LCLAT1: variants seen among roughly 807,000 people sequenced by gnomAD.
LCLAT1 encodes the protein lysocardiolipin acyltransferase 1.
A neutral mutation model predicts 30.7 loss-of-function variants in LCLAT1; 11 were observed. The ratio of observed to expected loss-of-function variants is 0.36; its 90% CI spans 0.23 to 0.59. The LOEUF (loss-of-function observed/expected upper bound fraction) is 0.59, where lower values mean the gene tolerates loss of function less well. Ranked by LOEUF, LCLAT1 falls within the 20% of genes least tolerant of loss-of-function variation. The pLI, the probability that LCLAT1 is intolerant of heterozygous loss-of-function variation, is 0.77. For synonymous variants in LCLAT1, 155 were observed against 151.3 expected (o/e 1.02, Z -0.18); for missense variants, 402 against 458.6 (o/e 0.88, Z 1.13).
At chr2:30,537,619 C>T (rs1009113416) in intron 3 of LCLAT1, among the ~76,000 whole-genome samples, 2 of 151,904 alleles carry the variant, frequency 1.3e-5, no homozygotes, top group African/African-American at 4.8e-5. Flanking sequence ...GCGTTAGACC[C>T]CAATATAGTA....
intron 1 of LCLAT1, among the ~76,000 whole-genome samples, chr2:30,516,261 A>G (rs989260003): frequency 6.6e-6 from 1 of 151,768 alleles, no homozygotes; most frequent in Non-Finnish European, 1.5e-5. Context: ...ACTCTATTAA[A>G]TCTTGCAACT....
Position 30,522,409 on chromosome 2 carries a change from G to T in LCLAT1, c.-4-3178G>T, listed in dbSNP as rs560306414. Among the ~76,000 whole-genome samples the T allele has an allele frequency of 7.9e-5, 12 of 152,086 alleles. 1 individual carries two copies. The highest frequency in any genetic ancestry group is 5.9e-5 in the Non-Finnish European group (4 of 68,010). On this transcript the variant is annotated intron_variant, in intron 1 of 5. Transcript: ENST00000379509. ...TTTTTTTTAGCTATTCCAAATAAGT[G>T]TATAGCTAGCATAATTTGGAACCAA... is the stretch of plus-strand genomic sequence containing the variant.
chr2:30,546,967 C>T (rs941164526), intron 3 of LCLAT1, among the ~76,000 whole-genome samples: 6 of 151,954 alleles, frequency 3.9e-5, no homozygotes, highest in African/African-American at 1.2e-4. Context: ...ATCTTATTGG[C>T]GATTTTGTGC....
chr2:30,521,795 G>T (rs184746667), intron 1 of LCLAT1, among the ~76,000 whole-genome samples: 10 of 151,968 alleles, frequency 6.6e-5, no homozygotes, highest in Admixed American at 2.0e-4. Flanking sequence ...ATGAGCCACC[G>T]CTGGACCAAC....
At chr2:30,609,696 T>C (rs1215382398) in intron 5 of LCLAT1, among the ~76,000 whole-genome samples, 2 of 152,168 alleles carry the variant, frequency 1.3e-5, no homozygotes, top group African/African-American at 4.8e-5. Flanking sequence ...CCCACAGTGA[T>C]CCTGTCCTCC....
intron 5 of LCLAT1, among the ~76,000 whole-genome samples, chr2:30,617,230 G>T (rs990514599): frequency 6.6e-6 from 1 of 152,104 alleles, no homozygotes; most frequent in Non-Finnish European, 1.5e-5. Flanking sequence ...CCACTGATGT[G>T]CTTTCTGTCA....
chr2:30,616,679 T>A (rs1668006801), intron 5 of LCLAT1, among the ~76,000 whole-genome samples: 1 of 152,186 alleles, frequency 6.6e-6, no homozygotes, highest in Non-Finnish European at 1.5e-5. Context: ...TTTTTAAATG[T>A]CAGCTTGCAC....
At chr2:30,515,106 A>T (rs1685119626) in intron 1 of LCLAT1, among the ~76,000 whole-genome samples, 1 of 152,038 alleles carries the variant, frequency 6.6e-6, no homozygotes, top group South Asian at 2.1e-4. Context: ...TGATTAAGCC[A>T]TGCTGTTTCA....
intron 5 of LCLAT1, among the ~76,000 whole-genome samples, chr2:30,601,823 TATAG>T (rs775738008): frequency 5.9e-5 from 9 of 151,638 alleles, no homozygotes; most frequent in South Asian, 2.1e-4. Context: ...CATATATATC[TATAG>T]ATAGATATAT....
At chr2:30,533,937 C>G (rs1686102391) in intron 3 of LCLAT1, among the ~76,000 whole-genome samples, 1 of 152,078 alleles carries the variant, frequency 6.6e-6, no homozygotes, top group African/African-American at 2.4e-5. Context: ...TCTCAACTTG[C>G]TACTTAATGT....
intron 5 of LCLAT1, among the ~76,000 whole-genome samples, chr2:30,632,868 A>G (rs1439774481): frequency 1.3e-5 from 2 of 152,254 alleles, no homozygotes; most frequent in Admixed American, 1.3e-4. Flanking sequence ...CAACTTATGT[A>G]GAAGGGGAAA....
intron 1 of LCLAT1, among the ~76,000 whole-genome samples, chr2:30,474,502 CCTT>C (rs1337870661): frequency 6.6e-6 from 1 of 152,126 alleles, no homozygotes; most frequent in African/African-American, 2.4e-5. Context: ...CTTGCCTTAG[CCTT>C]CTGAGTAGCT....
rs543538019 is a variant in LCLAT1 at position 30,557,983 on chromosome 2, C to A, written c.365-4163C>A. ...AATTTTAACCTCTGCTTCACATAAT[C>A]CATAAAAATTCACTTGAAATGTATC... is the stretch of plus-strand genomic sequence containing the variant. On this transcript the variant is annotated intron_variant, in intron 3 of 5. Transcript: ENST00000379509. Among the ~76,000 whole-genome samples, 9 of 152,160 alleles carry A rather than the reference C, an allele frequency of 5.9e-5. No individual in the cohort carries two copies. In the South Asian group the frequency reaches 1.9e-3, roughly 32 times the overall value.
intron 5 of LCLAT1, among the ~76,000 whole-genome samples, chr2:30,605,652 T>A (rs1388060816): frequency 6.6e-6 from 1 of 152,160 alleles, no homozygotes; most frequent in African/African-American, 2.4e-5. Flanking sequence ...GAGTGAAATA[T>A]ACATTTCCTC....
intron 5 of LCLAT1, 31 bp from the exon 6 acceptor site, chr2:30,640,086 T>C: frequency 1.2e-5 from 18 of 1,564,550 alleles, no homozygotes; most frequent in Non-Finnish European, 1.6e-5. Context: ...GAGCACTGCT[T>C]AATCTATGTT....
rs370513750 is a variant in LCLAT1 at position 30,456,009 on chromosome 2, G to A, written c.-5+8626G>A. ...ATTGATCTTAATTCTTTAAACATTG[G>A]TAGAATTCTTTAATGAAATGTTCTG... On this transcript the variant is annotated intron_variant, in intron 1 of 5. Transcript: ENST00000379509. 5.3e-5 allele frequency among the ~76,000 whole-genome samples: 8 copies of A among 151,642 alleles called. 1 individual carries two copies. The highest frequency in any genetic ancestry group is 1.9e-4 in the East Asian group (1 of 5,162).
chr2:30,592,799 G>C (rs1347791914), intron 5 of LCLAT1, among the ~76,000 whole-genome samples: 2 of 152,082 alleles, frequency 1.3e-5, no homozygotes, highest in Non-Finnish European at 2.9e-5. Flanking sequence ...AATTGTTACT[G>C]ATATGTAACA....
chr2:30,491,683 C>G (rs1224585803), intron 1 of LCLAT1, among the ~76,000 whole-genome samples: 1 of 152,070 alleles, frequency 6.6e-6, no homozygotes, highest in Non-Finnish European at 1.5e-5. Flanking sequence ...TTTTTAATTT[C>G]CCAAGAGAGA....
chr2:30,479,082 T>A (rs984870009), intron 1 of LCLAT1, among the ~76,000 whole-genome samples: 1 of 152,170 alleles, frequency 6.6e-6, no homozygotes, highest in Admixed American at 6.5e-5. Context: ...GATGAATACA[T>A]TTTGGGATAT....
Sources: gnomAD v4.1 joint callset for allele counts (sites outside exome capture counted in the v4.1 genomes callset) on GRCh38, gnomAD v4.1.1 for gene constraint, MANE v1.5 for transcripts, NCBI Gene and HGNC (gene_info 2026-07-23, HGNC 2026-07-21) for gene names.